The following TFDP2 variants were observed in gnomAD, a reference collection of about 807,000 sequenced individuals.
The protein encoded by TFDP2 is transcription factor Dp-2, also known as transcription factor Dp-2 (E2F dimerization partner 2).
TFDP2 carries 17 observed loss-of-function variants against 59.3 expected under a neutral mutation model. That is an observed-to-expected ratio of 0.29 (90% confidence interval 0.20 to 0.43). The LOEUF (loss-of-function observed/expected upper bound fraction) is 0.43, where lower values mean the gene tolerates loss of function less well. Ranked by LOEUF, TFDP2 falls within the 20% of genes least tolerant of loss-of-function variation. The pLI is 1.00. For missense variants in TFDP2, 391 were observed against 528.8 expected (o/e 0.74, Z 2.56); for synonymous variants, 180 against 194.7 (o/e 0.92, Z 0.63).
At chr3:142,025,832 C>T (rs985482258) in intron 3 of TFDP2, among the ~76,000 whole-genome samples, 14 of 152,046 alleles carry the variant, frequency 9.2e-5, no homozygotes, top group Admixed American at 2.0e-4. Flanking sequence ...GGCGTGTGGG[C>T]GCATGCCTGT....
intron 1 of TFDP2, among the ~76,000 whole-genome samples, chr3:142,107,848 ATAT>A (rs1376024250): frequency 6.6e-6 from 1 of 152,150 alleles, no homozygotes; most frequent in East Asian, 1.9e-4. Context: ...TATTCTCAAG[ATAT>A]TATAACAAAA....
Position 141,978,423 on chromosome 3 carries a change from C to G in TFDP2, c.519+97G>C, listed in dbSNP as rs540201916. The stretch of plus-strand genomic sequence containing the variant: ...ATCCCCCAAAATAAAGGATAAAACC[C>G]TCAAGTATAGTCGTGATTCCTCAAA... On this transcript the variant is annotated intron_variant, in intron 7 of 12. Transcript: ENST00000489671. 4.3e-5 allele frequency: 53 copies of G among 1,225,976 alleles called. No individual in the cohort carries two copies. In the African/African-American group the frequency reaches 6.6e-4, roughly 15 times the overall value. The allele number at this position is 1,225,976 out of a possible 1,614,324, so 75.9% of individuals were successfully genotyped here. A position where few individuals can be genotyped will look rare whatever the true frequency, so the allele number is the denominator to read the frequency against.
intron 3 of TFDP2, among the ~76,000 whole-genome samples, chr3:142,006,598 G>C (rs1944232213): frequency 6.6e-6 from 1 of 150,830 alleles, no homozygotes; most frequent in South Asian, 2.1e-4. Context: ...CCTCCAAAGT[G>C]GCTGACACCA....
chr3:142,021,044 A>G (rs1427650144), intron 3 of TFDP2, among the ~76,000 whole-genome samples: 1 of 152,118 alleles, frequency 6.6e-6, no homozygotes, highest in African/African-American at 2.4e-5. Flanking sequence ...CTGCACATGC[A>G]CATTACACCA....
At position 141,977,130 on chromosome 3, in the gene TFDP2, C is replaced by CTTTTTTT. The variant is rs1559959815; in HGVS notation, c.519+1389_519+1390insAAAAAAA. ...TATTTTTTTTTTTTTTTTTTTTTTC[C>CTTTTTTT]CCCCAAAGAGACGAAGTCTTGCTTT... On this transcript the variant is annotated intron_variant, in intron 7 of 12. Transcript: ENST00000489671. Among the ~76,000 whole-genome samples the CTTTTTTT allele has an allele frequency of 2.9e-3, 325 of 113,072 alleles. 14 individuals carry two copies. The highest frequency in any genetic ancestry group is 4.5e-3 in the Non-Finnish European group (254 of 56,552). The allele number at this position is 113,072 out of a possible 152,430, so 74.2% of individuals were successfully genotyped here.
chr3:141,970,887 C>T (rs1939624282), intron 8 of TFDP2, among the ~76,000 whole-genome samples: 1 of 151,632 alleles, frequency 6.6e-6, no homozygotes, highest in Non-Finnish European at 1.5e-5. Context: ...CATGGCGAAA[C>T]CCTATCTCTA....
At chr3:141,969,178 CTCATATATATGAGATAT>C (rs1939222100) in intron 9 of TFDP2, among the ~76,000 whole-genome samples, 1 of 85,762 alleles carries the variant, frequency 1.2e-5, no homozygotes, top group African/African-American at 5.2e-5. Flanking sequence ...ATATATATAT[CTCATATATATGAGATAT>C]ATATATATAA....
intron 3 of TFDP2, among the ~76,000 whole-genome samples, chr3:142,020,722 G>A (rs925818748): frequency 6.6e-6 from 1 of 150,914 alleles, no homozygotes; most frequent in African/African-American, 2.4e-5. Flanking sequence ...GATGACTCAT[G>A]CCTACAGTTC....
At position 142,107,213 on chromosome 3, in the gene TFDP2, G is replaced by T. The variant is rs2061502011; in HGVS notation, c.-92-5372C>A. On this transcript the variant is annotated intron_variant, in intron 1 of 12. Coordinates refer to ENST00000489671, the MANE Select transcript of TFDP2 (RefSeq NM_001178139.2). ...TTTTGAGATGTGGTATTAATTAGAA[G>T]ATATTTTCTTTTTTTTCTTTTCTTT... Among the ~76,000 whole-genome samples the T allele has an allele frequency of 2.0e-5, 3 of 151,050 alleles. No individual in the cohort carries two copies. The South Asian group carries it at 6.3e-4, about 31-fold the overall frequency.
At chr3:142,102,042 T>C (rs543022326) in intron 1 of TFDP2, among the ~76,000 whole-genome samples, 5 of 152,366 alleles carry the variant, frequency 3.3e-5, no homozygotes, top group African/African-American at 7.2e-5. Context: ...AATTTGACCA[T>C]GTCAACTCAG....
intron 9 of TFDP2, among the ~76,000 whole-genome samples, chr3:141,968,476 CAT>C (rs1292779677): frequency 0.016 from 1,499 of 91,458 alleles, 86 homozygotes; most frequent in Middle Eastern, 0.051. Context: ...ATATATATAA[CAT>C]ATATATATCT....
At chr3:141,979,842 G>A (rs1941260942) in intron 6 of TFDP2, among the ~76,000 whole-genome samples, 1 of 151,730 alleles carries the variant, frequency 6.6e-6, no homozygotes, top group Non-Finnish European at 1.5e-5. Flanking sequence ...GCCTGCCTCG[G>A]CCTCCCAAAG....
intron 3 of TFDP2, among the ~76,000 whole-genome samples, chr3:142,027,583 A>C (rs1038597771): frequency 1.3e-5 from 2 of 152,198 alleles, no homozygotes; most frequent in Non-Finnish European, 2.9e-5. Context: ...CACTGTATCT[A>C]TTAAAAACAT....
intron 3 of TFDP2, among the ~76,000 whole-genome samples, chr3:142,054,319 A>G (rs1020268113): frequency 2.0e-5 from 3 of 152,240 alleles, no homozygotes; most frequent in Non-Finnish European, 2.9e-5. Flanking sequence ...AATAGAAAAG[A>G]ACTACTGATT....
rs202181685 is a variant in TFDP2 at position 141,977,405 on chromosome 3, C to CA, written c.519+1114dup. 4.2e-3 allele frequency among the ~76,000 whole-genome samples: 451 copies of CA among 106,624 alleles called. 2 individuals are homozygous for CA. The Middle Eastern group carries it at 0.049, about 11-fold the overall frequency. The allele number at this position is 106,624 out of a possible 152,430, so 69.9% of individuals were successfully genotyped here. ...TGGGCAACATAGTGAGACCTCATAT[C>CA]AAAAAAAAAAAAAAAAGATAAAGAA... On this transcript the variant is annotated intron_variant, in intron 7 of 12. Coordinates refer to ENST00000489671, the MANE Select transcript of TFDP2 (RefSeq NM_001178139.2).
intron 3 of TFDP2, among the ~76,000 whole-genome samples, chr3:142,061,722 G>A (rs997732767): frequency 1.3e-5 from 2 of 151,968 alleles, no homozygotes; most frequent in Non-Finnish European, 2.9e-5. Context: ...CTTGAGCTGG[G>A]ACTTGTGCCA....
At chr3:142,110,499 G>A (rs1334269351) in intron 1 of TFDP2, among the ~76,000 whole-genome samples, 1 of 150,364 alleles carries the variant, frequency 6.7e-6, no homozygotes, top group Non-Finnish European at 1.5e-5. Context: ...ACGAGACTCT[G>A]TCTCAAAAAA....
intron 2 of TFDP2, among the ~76,000 whole-genome samples, chr3:142,098,255 AT>A (rs1381614411): frequency 6.7e-6 from 1 of 148,300 alleles, no homozygotes; most frequent in Non-Finnish European, 1.5e-5. Context: ...TTTCTTAAAG[AT>A]TCATTGACAA....
intron 3 of TFDP2, among the ~76,000 whole-genome samples, chr3:142,048,309 G>A (rs373898792): frequency 6.6e-6 from 1 of 151,652 alleles, no homozygotes; most frequent in African/African-American, 2.4e-5. Context: ...CAGCTACTCA[G>A]AAGGCTGAGG....
Sources: gnomAD v4.1 joint callset for allele counts (sites outside exome capture counted in the v4.1 genomes callset) on GRCh38, gnomAD v4.1.1 for gene constraint, MANE v1.5 for transcripts, NCBI Gene and HGNC (gene_info 2026-07-23, HGNC 2026-07-21) for gene names.